Variants in PRKRIP1 observed in about 807,000 individuals in gnomAD.
The protein encoded by PRKRIP1 is PRKR-interacting protein 1.
Under a neutral mutation model 29.3 loss-of-function variants are expected in PRKRIP1, and 29 were observed. The observed-to-expected ratio is 0.99, with a 90% CI of 0.74 to 1.35. PRKRIP1 has a LOEUF of 1.35. Ranked by LOEUF, PRKRIP1 falls within the 40% of genes most tolerant of loss-of-function variation. PRKRIP1 has a pLI of 0.00. For missense variants in PRKRIP1, 247 were observed against 236.8 expected, an observed-to-expected ratio of 1.04 and a Z score of -0.28; for synonymous variants, 90 against 85.1, an observed-to-expected ratio of 1.06 and a Z score of -0.32.
Position 102,421,736 on chromosome 7 carries a change from G to A in PRKRIP1, c.458-3278G>A, listed in dbSNP as rs1389746836. 9.2e-5 allele frequency among the ~76,000 whole-genome samples: 14 copies of A among 151,880 alleles called. No homozygotes were observed. The South Asian group carries it at 1.0e-3, about 11-fold the overall frequency. On this transcript the variant is annotated intron_variant, in intron 5 of 5. Coordinates refer to ENST00000397912, the MANE Select transcript of PRKRIP1 (RefSeq NM_024653.4). ...TGCTTGAACCCAGGAGGCAGAGGTC[G>A]CAGTGAGCCAAGATCGCGCCACTGC... is the stretch of plus-strand genomic sequence containing the variant.
chr7:102,415,831 C>T (rs1486171973), intron 5 of PRKRIP1, among the ~76,000 whole-genome samples: 1 of 152,240 alleles, frequency 6.6e-6, no homozygotes, highest in Non-Finnish European at 1.5e-5. Flanking sequence ...GGCGATGCTG[C>T]GTGAAACCCT....
At chr7:102,424,840 C>G (rs543947509) in intron 5 of PRKRIP1, among the ~76,000 whole-genome samples, 174 bp from the exon 6 acceptor site, 1 of 152,072 alleles carries the variant, frequency 6.6e-6, no homozygotes, top group African/African-American at 2.4e-5. Context: ...TGTGAGCCAC[C>G]CTTACTCCTG....
At chr7:102,416,316 A>G (rs1554573107) in intron 5 of PRKRIP1, among the ~76,000 whole-genome samples, 1 of 152,202 alleles carries the variant, frequency 6.6e-6, no homozygotes, top group Non-Finnish European at 1.5e-5. Flanking sequence ...AACTTCCTAA[A>G]TTAACCTGGT....
At chr7:102,412,475 A>G (rs1796413643) in intron 5 of PRKRIP1, among the ~76,000 whole-genome samples, 1 of 152,162 alleles carries the variant, frequency 6.6e-6, no homozygotes, top group Non-Finnish European at 1.5e-5. Flanking sequence ...GGATGGCTTG[A>G]GCCCAGGTAG....
rs542096982 is a variant in PRKRIP1, at chr7:102,405,383, A to G, written c.392+700A>G. On this transcript the variant is annotated intron_variant, in intron 4 of 5. Transcript: ENST00000397912. ...CATAAGTGGTCTCTCAACTTTTACAATGAGAGCTGAGGAGGATTCTAACAA... is the reference window on the plus strand; with the variant it reads ...CATAAGTGGTCTCTCAACTTTTACAGTGAGAGCTGAGGAGGATTCTAACAA... Among the ~76,000 whole-genome samples the G allele has an allele frequency of 1.5e-4, 23 of 152,294 alleles. No individual in the cohort carries two copies. In the East Asian group the frequency reaches 2.3e-3, roughly 15 times the overall value.
chr7:102,425,488 T>C lies in PRKRIP1; in HGVS notation c.*377T>C, dbSNP rs956327786. On this transcript the variant is annotated 3_prime_UTR_variant, in exon 6 of 6. Coordinates refer to ENST00000397912, the MANE Select transcript of PRKRIP1 (RefSeq NM_024653.4). ...CATGTGGACCGTGAGTCGCAAACAC[T>C]CTGGAGAAGGCTGAGATGCCACCAT... The C allele has an allele frequency of 3.3e-6, 1 of 303,780 alleles. No individual in the cohort carries two copies. The highest frequency in any genetic ancestry group is 5.2e-5 in the Admixed American group (1 of 19,212). The allele number at this position is 303,780 out of a possible 1,614,324, so 18.8% of individuals were successfully genotyped here. A position where few individuals can be genotyped will look rare whatever the true frequency, so the allele number is the denominator to read the frequency against.
chr7:102,422,352 T>C (rs1796717182), intron 5 of PRKRIP1, among the ~76,000 whole-genome samples: 1 of 150,748 alleles, frequency 6.6e-6, no homozygotes, highest in South Asian at 2.1e-4. Context: ...TTTTTTTTTT[T>C]CTGAGACAGA....
chr7:102,398,075 A>C (rs1795963954), intron 2 of PRKRIP1, among the ~76,000 whole-genome samples: 1 of 152,030 alleles, frequency 6.6e-6, no homozygotes, highest in South Asian at 2.1e-4. Context: ...TAGCTATAAA[A>C]ATCCTGTAGT....
In PRKRIP1 at chr7:102,416,091, C is replaced by T. The variant is rs115791039; in HGVS notation, c.457+8593C>T. Among the ~76,000 whole-genome samples, 186 of 152,360 alleles carry T rather than the reference C, an allele frequency of 1.2e-3. 1 individual carries two copies. Among genetic ancestry groups the T allele is most frequent in the African/African-American group, 4.3e-3 (179 of 41,586 alleles). ...CCTCTCCTCACCTTCCTCCGGCCCC[C>T]GGCCCTAGAAGTCGCCTTTCCTGCC... On this transcript the variant is annotated intron_variant, in intron 5 of 5. Coordinates refer to ENST00000397912, the MANE Select transcript of PRKRIP1 (RefSeq NM_024653.4).
rs1012041522 is a variant in PRKRIP1, at chr7:102,397,603, A to C, written c.127-17A>C. 1 of 1,605,232 alleles carries C rather than the reference A, an allele frequency of 6.2e-7. No homozygotes were observed. The highest frequency in any genetic ancestry group is 1.1e-5 in the South Asian group (1 of 90,712). On this transcript the variant is annotated splice_polypyrimidine_tract_variant and intron_variant, in intron 1 of 5. Coordinates refer to ENST00000397912, the MANE Select transcript of PRKRIP1 (RefSeq NM_024653.4). ...AACAGGTTTATACTTAAATGCTTTC[A>C]TGTTTAAATGTTGCAGGACAAAGCA... is the stretch of plus-strand genomic sequence containing the variant.
Position 102,407,420 on chromosome 7 carries a change from T to A in PRKRIP1, c.393-14T>A, listed in dbSNP as rs781856645. On this transcript the variant is annotated splice_polypyrimidine_tract_variant and intron_variant, in intron 4 of 5. Coordinates refer to ENST00000397912, the MANE Select transcript of PRKRIP1 (RefSeq NM_024653.4). Reference sequence around the variant, plus strand: ...GTAGTTAAGGAATCAATGTATATGGTTTTACATTTTTAGCCAGAAGTTAAA... The same window carrying A: ...GTAGTTAAGGAATCAATGTATATGGATTTACATTTTTAGCCAGAAGTTAAA... The A allele has an allele frequency of 1.1e-5, 17 of 1,552,646 alleles. No individual in the cohort carries two copies. Among genetic ancestry groups the A allele is most frequent in the Non-Finnish European group, 1.4e-5 (16 of 1,124,220 alleles).
chr7:102,409,288 C>T (rs1400173150), intron 5 of PRKRIP1, among the ~76,000 whole-genome samples: 1 of 152,134 alleles, frequency 6.6e-6, no homozygotes, highest in African/African-American at 2.4e-5. Context: ...TCACCCTTTC[C>T]TAGAAGAAAT....
intron 3 of PRKRIP1, among the ~76,000 whole-genome samples, chr7:102,400,881 C>G (rs1796049550): frequency 6.6e-6 from 1 of 152,142 alleles, no homozygotes. Flanking sequence ...AGTGATCCAC[C>G]TGCCTCGGCC....
Position 102,426,639 on chromosome 7 carries a change from TAATA to T in PRKRIP1, c.*1532_*1535del, listed in dbSNP as rs1422012671. ...GGAAGCGGACACGGAGAGTCAGCCC[TAATA>T]AATGAGCACATGCCCTGGCTGTACA... is the stretch of plus-strand genomic sequence containing the variant. On this transcript the variant is annotated 3_prime_UTR_variant, in exon 6 of 6. Transcript: ENST00000397912. The T allele has an allele frequency of 2.6e-5, 4 of 152,758 alleles. No individual in the cohort carries two copies. Among genetic ancestry groups the T allele is most frequent in the African/African-American group, 7.2e-5 (3 of 41,466 alleles). 9.5% of individuals were successfully genotyped at this position (152,758 alleles called of 1,614,324 possible).
At position 102,407,568 on chromosome 7, in the gene PRKRIP1, G is replaced by A. The variant is rs929494754; in HGVS notation, c.457+70G>A. ...TTGGTCACAGTGGCTGAACTGTCAG[G>A]AAACACAGGGACGGAGAGTTTGGGC... On this transcript the variant is annotated intron_variant, in intron 5 of 5. Coordinates refer to ENST00000397912, the MANE Select transcript of PRKRIP1 (RefSeq NM_024653.4). 19 of 1,150,548 alleles carry A rather than the reference G, an allele frequency of 1.7e-5. No homozygotes were observed. The African/African-American group carries it at 2.9e-4, about 18-fold the overall frequency. 71.3% of individuals were successfully genotyped at this position (1,150,548 alleles called of 1,614,324 possible).
At chr7:102,396,562 G>T in intron 1 of PRKRIP1, 25 bp downstream of exon 1, 1 of 1,598,388 alleles carries the variant, frequency 6.3e-7, no homozygotes, top group Non-Finnish European at 8.5e-7. Flanking sequence ...AGGCTCCACG[G>T]CCCGTCCGAG....
intron 4 of PRKRIP1, 104 bp downstream of exon 4, chr7:102,404,787 G>T: frequency 1.3e-6 from 1 of 777,308 alleles, no homozygotes; most frequent in South Asian, 1.7e-5. Flanking sequence ...ACCTGTAGGG[G>T]TCATGAATGT....
At chr7:102,413,445 A>G (rs868993748) in intron 5 of PRKRIP1, among the ~76,000 whole-genome samples, 2 of 152,210 alleles carry the variant, frequency 1.3e-5, no homozygotes, top group African/African-American at 4.8e-5. Context: ...AATTTTTAAA[A>G]TATGCAGAAA....
At chr7:102,415,267 T>C (rs930689785) in intron 5 of PRKRIP1, among the ~76,000 whole-genome samples, 9 of 152,182 alleles carry the variant, frequency 5.9e-5, no homozygotes, top group Non-Finnish European at 1.3e-4. Flanking sequence ...AATGGAGTCT[T>C]GCTCCATCAC....
Sources: gnomAD v4.1 joint callset for allele counts (sites outside exome capture counted in the v4.1 genomes callset) on GRCh38, gnomAD v4.1.1 for gene constraint, MANE v1.5 for transcripts, NCBI Gene and HGNC (gene_info 2026-07-23, HGNC 2026-07-21) for gene names.